The following HS3ST5 variants were observed in gnomAD, a reference collection of about 807,000 sequenced individuals.
HS3ST5 encodes the protein heparan sulfate-glucosamine 3-sulfotransferase 5.
HS3ST5 carries 10 observed loss-of-function variants against 25.4 expected under a neutral mutation model. The observed-to-expected ratio is 0.39, with a 90% CI of 0.24 to 0.67. HS3ST5 has a LOEUF of 0.67. Among genes scored for constraint, HS3ST5 ranks in the 30% least tolerant of loss-of-function variants. The pLI is 0.44. For synonymous variants in HS3ST5, 170 were observed against 162.4 expected, an observed-to-expected ratio of 1.05 and a Z score of -0.36; for missense variants, 324 against 420.7, an observed-to-expected ratio of 0.77 and a Z score of 2.01.
intron 3 of HS3ST5, among the ~76,000 whole-genome samples, chr6:114,070,755 A>T (rs1468566983): frequency 6.6e-6 from 1 of 151,984 alleles, no homozygotes; most frequent in African/African-American, 2.4e-5. Flanking sequence ...GGAAGTTGTC[A>T]TTCTTGGCTC....
intron 3 of HS3ST5, among the ~76,000 whole-genome samples, chr6:114,154,427 G>A (rs776558784): frequency 1.4e-4 from 22 of 152,258 alleles, no homozygotes; most frequent in South Asian, 2.1e-4. Flanking sequence ...GAAGGCTGAG[G>A]CAGGCAAGTT....
chr6:114,098,152 G>A (rs1385170694), intron 3 of HS3ST5, among the ~76,000 whole-genome samples: 2 of 151,916 alleles, frequency 1.3e-5, no homozygotes, highest in African/African-American at 4.8e-5. Flanking sequence ...AACATTCAAG[G>A]TAGTTGGTAA....
chr6:114,227,208 GC>G (rs1421273931), intron 2 of HS3ST5, among the ~76,000 whole-genome samples: 1 of 122,322 alleles, frequency 8.2e-6, no homozygotes, highest in Non-Finnish European at 1.8e-5. Flanking sequence ...AAAACTAATA[GC>G]TAATATGTGC....
rs12665530 is a variant in HS3ST5, at chr6:114,287,518, C to G, written c.-339+54677G>C. Among the ~76,000 whole-genome samples the G allele has an allele frequency of 5.9e-5, 9 of 152,170 alleles. No individual in the cohort carries two copies. The East Asian group carries it at 1.2e-3, about 20-fold the overall frequency. On this transcript the variant is annotated intron_variant, in intron 1 of 4. Coordinates refer to ENST00000312719, the MANE Select transcript of HS3ST5 (RefSeq NM_153612.4). The stretch of plus-strand genomic sequence containing the variant: ...AGGGCTATAATTTATAATGTACATA[C>G]TGTTTTATAACCTGTTGTTTAATCC...
chr6:114,199,581 A>C (rs1780916618), intron 2 of HS3ST5, among the ~76,000 whole-genome samples: 1 of 4,262 alleles, frequency 2.3e-4, no homozygotes, highest in African/African-American at 7.3e-4. Context: ...AGGACAAATA[A>C]AAATTAAAAA....
At chr6:114,241,360 C>T (rs1772117905) in intron 1 of HS3ST5, among the ~76,000 whole-genome samples, 1 of 151,796 alleles carries the variant, frequency 6.6e-6, no homozygotes, top group Non-Finnish European at 1.5e-5. Context: ...TCCTTTTTTT[C>T]TCACACCTTT....
chr6:114,330,685 T>C (rs1243284740), intron 1 of HS3ST5, among the ~76,000 whole-genome samples: 1 of 152,204 alleles, frequency 6.6e-6, no homozygotes. Context: ...AGTCTCCCTT[T>C]TTTCTACCTT....
intron 1 of HS3ST5, among the ~76,000 whole-genome samples, chr6:114,235,073 A>T (rs1771791466): frequency 6.6e-6 from 1 of 152,170 alleles, no homozygotes; most frequent in Non-Finnish European, 1.5e-5. Context: ...CAGTGAGCTG[A>T]GACTGTGCCA....
At chr6:114,317,373 C>T (rs1021222611) in intron 1 of HS3ST5, among the ~76,000 whole-genome samples, 2 of 152,076 alleles carry the variant, frequency 1.3e-5, no homozygotes. Context: ...CGTTAACACA[C>T]TTGGAGTAAA....
chr6:114,240,454 A>AAGGAG (rs778951197), intron 1 of HS3ST5, among the ~76,000 whole-genome samples: 8 of 152,190 alleles, frequency 5.3e-5, no homozygotes, highest in Non-Finnish European at 1.0e-4. Context: ...TAGTATGTGA[A>AAGGAG]AGGAGAGGAG....
chr6:114,074,643 T>C (rs1269892712), intron 3 of HS3ST5, among the ~76,000 whole-genome samples: 1 of 152,224 alleles, frequency 6.6e-6, no homozygotes, highest in Non-Finnish European at 1.5e-5. Context: ...TCTAAGTCTT[T>C]CTTCCCAGCT....
chr6:114,079,677 G>C (rs1774339228), intron 3 of HS3ST5, among the ~76,000 whole-genome samples: 1 of 152,226 alleles, frequency 6.6e-6, no homozygotes, highest in African/African-American at 2.4e-5. Context: ...AGCTAGAATG[G>C]TGAATCTTTT....
intron 3 of HS3ST5, among the ~76,000 whole-genome samples, chr6:114,095,020 G>A (rs549806674): frequency 1.2e-4 from 18 of 152,174 alleles, no homozygotes; most frequent in African/African-American, 2.9e-4. Context: ...GAACCAAGCC[G>A]TAGGTGACAC....
intron 3 of HS3ST5, among the ~76,000 whole-genome samples, chr6:114,148,534 T>G (rs570268910): frequency 1.1e-4 from 16 of 152,086 alleles, no homozygotes; most frequent in Non-Finnish European, 2.2e-4. Context: ...GGCAGGAGAA[T>G]CGCTTGAACC....
intron 1 of HS3ST5, among the ~76,000 whole-genome samples, chr6:114,275,418 G>A (rs946664969): frequency 5.9e-5 from 9 of 151,882 alleles, no homozygotes; most frequent in African/African-American, 2.2e-4. Context: ...ACACCTTCTT[G>A]TATATATTTT....
chr6:114,280,139 G>C (rs566651573), intron 1 of HS3ST5, among the ~76,000 whole-genome samples: 3 of 151,864 alleles, frequency 2.0e-5, no homozygotes, highest in Admixed American at 6.6e-5. Context: ...GTGAGAGAGT[G>C]GGGGATGAGG....
At chr6:114,334,628 T>C (rs1370084968) in intron 1 of HS3ST5, among the ~76,000 whole-genome samples, 2 of 152,226 alleles carry the variant, frequency 1.3e-5, no homozygotes, top group African/African-American at 2.4e-5. Flanking sequence ...CAGTATTCAG[T>C]ATAGTCACAT....
intron 1 of HS3ST5, among the ~76,000 whole-genome samples, chr6:114,338,337 A>G (rs1233309696): frequency 7.8e-6 from 1 of 127,454 alleles, no homozygotes. Flanking sequence ...ATATACATAA[A>G]TATATGTATA....
intron 3 of HS3ST5, among the ~76,000 whole-genome samples, chr6:114,159,454 C>T (rs939422178): frequency 1.3e-5 from 2 of 152,152 alleles, no homozygotes; most frequent in Non-Finnish European, 2.9e-5. Context: ...ATGTCAAAAA[C>T]ATTATGCCAA....
Sources: allele counts gnomAD v4.1 joint callset (sites outside exome capture counted in the v4.1 genomes callset), GRCh38; gene constraint gnomAD v4.1.1; transcripts MANE v1.5; gene names NCBI Gene and HGNC (gene_info 2026-07-23, HGNC 2026-07-21).